The following PPP2R2D variants were observed in gnomAD, a reference collection of about 807,000 sequenced individuals.
PPP2R2D encodes the protein serine/threonine-protein phosphatase 2A 55 kDa regulatory subunit B delta isoform.
PPP2R2D carries 9 observed loss-of-function variants against 31.1 expected under a neutral mutation model. The ratio of observed to expected loss-of-function variants is 0.29; its 90% CI spans 0.17 to 0.51. The LOEUF (loss-of-function observed/expected upper bound fraction) is 0.51, where lower values mean the gene tolerates loss of function less well. Ranked by LOEUF, PPP2R2D falls within the 20% of genes least tolerant of loss-of-function variation. The probability of loss-of-function intolerance (pLI) is 0.98; values close to 1 mark genes in which losing one functional copy is unlikely to be tolerated. For synonymous variants in PPP2R2D, 179 were observed against 172.6 expected (o/e 1.04, Z -0.29); for missense variants, 391 against 465.6 (o/e 0.84, Z 1.48).
Position 131,958,401 on chromosome 10 carries a change from GGAGATGGAGGTGTGTGCTGATCCCCCATC to G in PPP2R2D, c.*2439_*2467del, listed in dbSNP as rs2036857303. 5.0e-6 allele frequency: 1 copy of G among 198,480 alleles called. No individual in the cohort carries two copies. Among genetic ancestry groups the G allele is most frequent in the Non-Finnish European group, 1.0e-5 (1 of 99,062 alleles). 12.3% of individuals were successfully genotyped at this position (198,480 alleles called of 1,614,324 possible). A position where few individuals can be genotyped will look rare whatever the true frequency, so the allele number is the denominator to read the frequency against. On this transcript the variant is annotated 3_prime_UTR_variant, in exon 9 of 9. Transcript: ENST00000455566. ...GTGTGCTGATTCCTCATGCCCCTGT[GGAGATGGAGGTGTGTGCTGATCCCCCATC>G]CCCCTGTGGGGATGAAGGTGTGTGC...
intron 6 of PPP2R2D, among the ~76,000 whole-genome samples, chr10:131,944,876 T>C (rs533532582): frequency 2.2e-4 from 34 of 152,220 alleles, no homozygotes; most frequent in Admixed American, 1.7e-3. Context: ...AAGCTCTTCA[T>C]GTCAGGAAGA....
chr10:131,901,460 AG>A (rs1355992364), intron 2 of PPP2R2D, 130 bp downstream of exon 2: 19 of 319,388 alleles, frequency 5.9e-5, no homozygotes, highest in Admixed American at 1.5e-4. Context: ...GGCAGGGGCC[AG>A]GGGCCGAGCT....
At chr10:131,951,908 G>A (rs1318452062) in intron 8 of PPP2R2D, among the ~76,000 whole-genome samples, 1 of 152,230 alleles carries the variant, frequency 6.6e-6, no homozygotes, top group African/African-American at 2.4e-5. Flanking sequence ...CCCCAACTGG[G>A]GATGGGATAG....
chr10:131,942,841 G>T (rs541635707), intron 5 of PPP2R2D, among the ~76,000 whole-genome samples: 24 of 152,326 alleles, frequency 1.6e-4, no homozygotes, highest in Non-Finnish European at 3.4e-4. Flanking sequence ...GTGTTTTTAA[G>T]CCTGAACTTG....
At chr10:131,953,881 A>T (rs1365461190) in intron 8 of PPP2R2D, among the ~76,000 whole-genome samples, 1 of 152,154 alleles carries the variant, frequency 6.6e-6, no homozygotes, top group African/African-American at 2.4e-5. Context: ...CTTAGATTAC[A>T]TATCCCCAAG....
At chr10:131,931,255 G>C (rs1229739117) in intron 2 of PPP2R2D, among the ~76,000 whole-genome samples, 2 of 152,236 alleles carry the variant, frequency 1.3e-5, no homozygotes, top group African/African-American at 2.4e-5. Flanking sequence ...CCAAACCCTG[G>C]TACTGTAGCG....
chr10:131,903,041 C>T (rs985510282), intron 2 of PPP2R2D, among the ~76,000 whole-genome samples: 3 of 151,796 alleles, frequency 2.0e-5, no homozygotes, highest in Admixed American at 6.6e-5. Flanking sequence ...CGTGAGCCAC[C>T]GCACCTGCCT....
chr10:131,964,853 A>G, the PPP2R2D span, among the ~76,000 whole-genome samples: 2 of 151,922 alleles, frequency 1.3e-5, no homozygotes, highest in Non-Finnish European at 2.9e-5. Flanking sequence ...ATTTGGCAGC[A>G]TCTGAAGCAT....
At position 131,944,134 on chromosome 10, in the gene PPP2R2D, A is replaced by G; in HGVS notation, c.644A>G (p.Asp215Gly). The G allele has an allele frequency of 6.2e-7, 1 of 1,611,668 alleles. No homozygotes were observed. ...AATTTATGGCACTTAGAAATCACAG[A>G]TAGAAGCTTTAGTATCCTTCCTCAG... ...RINLWHLEITDRSFNIVDIKP... is the reference protein window; with the variant it reads ...RINLWHLEITGRSFNIVDIKP... Residue 215 changes from aspartate to glycine, a missense_variant, in exon 6 of 9, where the codon GAT becomes GGT. Physicochemically the swap from Asp to Gly is moderately conservative, Grantham distance 94. Around this residue, in one of 3 missense-constraint regions of PPP2R2D, gnomAD observed 123 missense variants for 187.7 expected, o/e 0.66. Transcript: ENST00000455566.
At chr10:131,955,638 G>A (rs368806894) in intron 8 of PPP2R2D, 46 bp from the exon 9 acceptor site, 639 of 1,354,036 alleles carry the variant, frequency 4.7e-4, no homozygotes, top group Non-Finnish European at 5.8e-4. Context: ...CCTTGCTGCC[G>A]CTCCCCCCAC....
intron 2 of PPP2R2D, among the ~76,000 whole-genome samples, chr10:131,917,808 C>T (rs1479186912): frequency 2.8e-5 from 3 of 108,912 alleles, no homozygotes; most frequent in African/African-American, 1.1e-4. Context: ...GGTGGAATGA[C>T]ACAGTGTAGG....
intron 2 of PPP2R2D, among the ~76,000 whole-genome samples, chr10:131,910,031 A>T (rs1190893351): frequency 6.6e-6 from 1 of 152,208 alleles, no homozygotes; most frequent in Non-Finnish European, 1.5e-5. Context: ...CAGTTGCTTT[A>T]TTGAAATGTG....
At chr10:131,934,862 C>G (rs781914837) in intron 3 of PPP2R2D, 13 of 476,510 alleles carry the variant, frequency 2.7e-5, no homozygotes, top group Non-Finnish European at 4.6e-5. Context: ...TCACGCGGCT[C>G]TCTCTGAAAA....
chr10:131,944,223 C>G, intron 6 of PPP2R2D, 78 bp downstream of exon 6: 3 of 1,206,876 alleles, frequency 2.5e-6, no homozygotes, highest in Non-Finnish European at 3.5e-6. Flanking sequence ...CCTTTATACA[C>G]CTGTATCTCG....
rs2036513612 is a variant in PPP2R2D at position 131,945,237 on chromosome 10, T to G, written c.656-58T>G. On this transcript the variant is annotated intron_variant, in intron 6 of 8. Coordinates refer to ENST00000455566, the MANE Select transcript of PPP2R2D (RefSeq NM_018461.5). This position sits in a 1 kb window ranked among gnomAD's most constrained non-coding sequence, Gnocchi z 4.8. ...TGGCGTCCTATTTCGCGTGACTGAA[T>G]GTAGACTAATTAACAACCAGCTGAG... 1 of 1,563,034 alleles carries G rather than the reference T, an allele frequency of 6.4e-7. No homozygotes were observed. Among genetic ancestry groups the G allele is most frequent in the African/African-American group, 1.4e-5 (1 of 73,938 alleles).
At chr10:131,943,538 A>G (rs2036478379) in intron 5 of PPP2R2D, among the ~76,000 whole-genome samples, 1 of 152,148 alleles carries the variant, frequency 6.6e-6, no homozygotes, top group Admixed American at 6.6e-5. Flanking sequence ...ACCGAGAAGC[A>G]TAGTCCTAGT....
chr10:131,932,395 C>T (rs2036251797), intron 2 of PPP2R2D, among the ~76,000 whole-genome samples: 1 of 152,096 alleles, frequency 6.6e-6, no homozygotes, highest in African/African-American at 2.4e-5. Context: ...ATACCTAACT[C>T]ACTTTGGGAA....
the PPP2R2D span, chr10:131,969,072 C>T: frequency 6.4e-6 from 1 of 156,134 alleles, no homozygotes; most frequent in African/African-American, 2.4e-5. Context: ...GGGCATCACT[C>T]CCGGAGGGAG....
At chr10:131,964,107 T>C (rs538262958), downstream of PPP2R2D, among the ~76,000 whole-genome samples, 25 of 152,326 alleles carry the variant, frequency 1.6e-4, no homozygotes, top group East Asian at 4.8e-3. Context: ...TAAACTGCAA[T>C]TATGCATTCT....
Sources: allele counts gnomAD v4.1 joint callset (sites outside exome capture counted in the v4.1 genomes callset), GRCh38; gene constraint gnomAD v4.1.1; regional missense constraint gnomAD v4.1.1; non-coding constraint Gnocchi (gnomAD v3.1); transcripts MANE v1.5; gene names NCBI Gene and HGNC (gene_info 2026-07-23, HGNC 2026-07-21).